The following SLC25A11 variants were observed in gnomAD, a reference collection of about 807,000 sequenced individuals.
The protein encoded by SLC25A11 is mitochondrial 2-oxoglutarate/malate carrier protein.
Under a neutral mutation model 32.7 loss-of-function variants are expected in SLC25A11, and 11 were observed. The observed-to-expected ratio is 0.34, with a 90% confidence interval of 0.21 to 0.56. The LOEUF (loss-of-function observed/expected upper bound fraction) is 0.56. Among genes scored for constraint, SLC25A11 ranks in the 20% least tolerant of loss-of-function variants. The pLI, the probability that SLC25A11 is intolerant of heterozygous loss-of-function variation, is 0.90. For synonymous variants in SLC25A11, 163 were observed against 168.3 expected, an observed-to-expected ratio of 0.97 and a Z score of 0.24; for missense variants, 295 against 426.3, an observed-to-expected ratio of 0.69 and a Z score of 2.71.
In SLC25A11 at chr17:4,937,453, GGGATCTTCT is replaced by G. The variant is rs1461486504; in HGVS notation, c.*279_*287del. ...TGCCTTGGTTTCCCCACTGACAAAG[GGGATCTTCT>G]GCTGTCCTGTGTGCCCTGAAACTAA... On this transcript the variant is annotated 3_prime_UTR_variant, in exon 8 of 8. Coordinates refer to ENST00000225665, the MANE Select transcript of SLC25A11 (RefSeq NM_003562.5). 3 of 279,378 alleles carry G rather than the reference GGGATCTTCT, an allele frequency of 1.1e-5. No individual in the cohort carries two copies. The East Asian group carries it at 2.0e-4, about 19-fold the overall frequency. The allele number at this position is 279,378 out of a possible 1,614,324, so 17.3% of individuals were successfully genotyped here. A position where few individuals can be genotyped will look rare whatever the true frequency, so the allele number is the denominator to read the frequency against.
At position 4,938,593 on chromosome 17, in the gene SLC25A11, A is replaced by C; in HGVS notation, c.465T>G (p.Ala155=). ...IRMTADGRLP[A]DQRRGYKNVF... is the part of the protein sequence containing the mutation. ...CATTTTTGTAGCCACGGCGCTGGTCAGCTGGAAGCCTGGTGGGAAGGCAGA... is the reference window on the plus strand; with the variant it reads ...CATTTTTGTAGCCACGGCGCTGGTCCGCTGGAAGCCTGGTGGGAAGGCAGA... Residue 155 remains alanine, a synonymous_variant, in exon 4 of 8, where the codon GCT becomes GCG. Transcript: ENST00000225665. The surrounding 1 kb of genome is among the most constrained non-coding windows in gnomAD (Gnocchi z 7.6). 6.2e-7 allele frequency: 1 copy of C among 1,614,058 alleles called. No individual in the cohort carries two copies. Among genetic ancestry groups the C allele is most frequent in the Non-Finnish European group, 8.5e-7 (1 of 1,179,984 alleles).
In SLC25A11 at chr17:4,938,955, C is replaced by A; in HGVS notation, c.269G>T (p.Arg90Leu). The change falls in exon 3 of 8, where the codon CGT (arginine) becomes CTT (leucine). Residue 90 changes from arginine (R) to leucine (L), a missense_variant. Coordinates refer to ENST00000225665, the MANE Select transcript of SLC25A11 (RefSeq NM_003562.5). The surrounding 1 kb of genome is among the most constrained non-coding windows in gnomAD (Gnocchi z 7.6). ...IYTGLSAGLLRQATYTTTRLG... is the reference protein window; with the variant it reads ...IYTGLSAGLLLQATYTTTRLG... ...GCGGGTAGTGGTGTAGGTGGCCTGA[C>A]GCAGCAGGCCAGCCGACAGCCTGAG... The A allele has an allele frequency of 6.2e-7, 1 of 1,614,082 alleles. No individual in the cohort carries two copies. The highest frequency in any genetic ancestry group is 8.5e-7 in the Non-Finnish European group (1 of 1,179,976).
chr17:4,938,865 A>G lies in SLC25A11; in HGVS notation c.359T>C (p.Leu120Pro). 1 of 1,614,216 alleles carries G rather than the reference A, an allele frequency of 6.2e-7. No homozygotes were observed. ...TGADGTPPGF[L>P]LKAVIGMTAG... Reference sequence around the variant, plus strand: ...GGTCATGCCAATCACAGCCTTCAGCAGAAAGCCAGGGGGAGTACCATCAGC... The same window carrying G: ...GGTCATGCCAATCACAGCCTTCAGCGGAAAGCCAGGGGGAGTACCATCAGC... The change falls in exon 3 of 8, where the codon CTG becomes CCG. Residue 120 changes from leucine (L) to proline (P), a missense_variant. Physicochemically the swap from Leu to Pro is moderately conservative, Grantham distance 98. Coordinates refer to ENST00000225665, the MANE Select transcript of SLC25A11 (RefSeq NM_003562.5). This position sits in a 1 kb window ranked among gnomAD's most constrained non-coding sequence, Gnocchi z 7.6.
rs763114824 is a variant in SLC25A11 at position 4,938,486 on chromosome 17, C to T, written c.546+26G>A. 4 of 1,613,736 alleles carry T rather than the reference C, an allele frequency of 2.5e-6. No homozygotes were observed. The highest frequency in any genetic ancestry group is 3.3e-4 in the Middle Eastern group (2 of 6,060). On this transcript the variant is annotated intron_variant, in intron 4 of 7. Transcript: ENST00000225665. This position sits in a 1 kb window ranked among gnomAD's most constrained non-coding sequence, Gnocchi z 7.6. Reference sequence around the variant, plus strand: ...ACCCCTAAAACCAGACCTCACAGCCCCCAAGTCTCCAGCCCCTCCACTCAC... The same window carrying T: ...ACCCCTAAAACCAGACCTCACAGCCTCCAAGTCTCCAGCCCCTCCACTCAC...
In SLC25A11 at chr17:4,938,938, T is replaced by C. The variant is rs1970523814; in HGVS notation, c.286A>G (p.Thr96Ala). Residue 96 changes from threonine to alanine, a missense_variant, in exon 3 of 8, where the codon ACT (threonine) becomes GCT (alanine). This residue lies in a region of SLC25A11 where 49 missense variants were observed against 106.9 expected (regional missense o/e 0.46). Coordinates refer to ENST00000225665, the MANE Select transcript of SLC25A11 (RefSeq NM_003562.5). The surrounding 1 kb of genome is among the most constrained non-coding windows in gnomAD (Gnocchi z 7.6). Reference protein sequence around the residue: ...AGLLRQATYTTTRLGIYTVLF... With the variant: ...AGLLRQATYTATRLGIYTVLF... ...ACGGTATAGATGCCAAGGCGGGTAG[T>C]GGTGTAGGTGGCCTGACGCAGCAGG... 1 of 1,613,780 alleles carries C rather than the reference T, an allele frequency of 6.2e-7. No individual in the cohort carries two copies. The highest frequency in any genetic ancestry group is 8.5e-7 in the Non-Finnish European group (1 of 1,179,756).
chr17:4,938,644 C>G lies in SLC25A11; in HGVS notation c.456-42G>C, dbSNP rs189215876. 8.7e-6 allele frequency: 14 copies of G among 1,603,186 alleles called. No individual in the cohort carries two copies. Among genetic ancestry groups the G allele is most frequent in the Non-Finnish European group, 1.1e-5 (13 of 1,170,522 alleles). On this transcript the variant is annotated intron_variant, in intron 3 of 7. Coordinates refer to ENST00000225665, the MANE Select transcript of SLC25A11 (RefSeq NM_003562.5). The surrounding 1 kb of genome is among the most constrained non-coding windows in gnomAD (Gnocchi z 7.6). ...AAGAGGTCAAGATCAGGATTGCCCA[C>G]AGGTGCAAAGAAAGGAAGGCCAGAA... is the stretch of plus-strand genomic sequence containing the variant.
At position 4,938,341 on chromosome 17, in the gene SLC25A11, G is replaced by GA; in HGVS notation, c.634dup (p.Ser212PhefsTer6). On this transcript the variant is annotated frameshift_variant, in exon 5 of 8. Coordinates refer to ENST00000225665, the MANE Select transcript of SLC25A11 (RefSeq NM_003562.5). LOFTEE classifies it high-confidence loss of function. The surrounding 1 kb of genome is among the most constrained non-coding windows in gnomAD (Gnocchi z 7.6). Reference sequence around the variant, plus strand: ...AAGGGCCCAGCTCTGGATCTCACCTGAGTCCAGTAAGAACTGCTTGGATTG... The same window carrying GA: ...AAGGGCCCAGCTCTGGATCTCACCTGAAGTCCAGTAAGAACTGCTTGGATTG... 6.2e-7 allele frequency: 1 copy of GA among 1,614,152 alleles called. No individual in the cohort carries two copies. Among genetic ancestry groups the GA allele is most frequent in the Non-Finnish European group, 8.5e-7 (1 of 1,180,010 alleles).
chr17:4,939,417 A>G lies in SLC25A11; in HGVS notation c.96-205T>C, dbSNP rs1437700864. 6 of 616,430 alleles carry G rather than the reference A, an allele frequency of 9.7e-6. No individual in the cohort carries two copies. The highest frequency in any genetic ancestry group is 1.7e-5 in the Non-Finnish European group (6 of 355,234). 38.2% of individuals were successfully genotyped at this position (616,430 alleles called of 1,614,324 possible). On this transcript the variant is annotated intron_variant, in intron 1 of 7. Coordinates refer to ENST00000225665, the MANE Select transcript of SLC25A11 (RefSeq NM_003562.5). The surrounding 1 kb of genome is among the most constrained non-coding windows in gnomAD (Gnocchi z 4.1). ...CTAGTTGTCCAGTAGGGGCCATGCA[A>G]TGAAAGTGCTCCAAGCAGCTTCATG...
rs1970531749 is a variant in SLC25A11 at position 4,939,019 on chromosome 17, T to C, written c.248+41A>G. 1 of 1,614,032 alleles carries C rather than the reference T, an allele frequency of 6.2e-7. No homozygotes were observed. The highest frequency in any genetic ancestry group is 8.5e-7 in the Non-Finnish European group (1 of 1,180,014). ...AGCATATCAGGCCAAGGTCTAGAGC[T>C]GCCAACCCACAGTCTACCCTCCATC... On this transcript the variant is annotated intron_variant, in intron 2 of 7. Transcript: ENST00000225665. This position sits in a 1 kb window ranked among gnomAD's most constrained non-coding sequence, Gnocchi z 4.1.
At position 4,939,660 on chromosome 17, in the gene SLC25A11, G is replaced by A; in HGVS notation, c.95+156C>T. ...GCAGTCCATAAGGGTCCTGCAATGG[G>A]GCCCTAGCAGCCCATCGGGGAACTC... is the stretch of plus-strand genomic sequence containing the variant. On this transcript the variant is annotated intron_variant, in intron 1 of 7. Transcript: ENST00000225665. The surrounding 1 kb of genome is among the most constrained non-coding windows in gnomAD (Gnocchi z 4.1). The A allele has an allele frequency of 5.7e-6, 4 of 703,168 alleles. No individual in the cohort carries two copies. The highest frequency in any genetic ancestry group is 2.5e-6 in the Non-Finnish European group (1 of 398,984). The allele number at this position is 703,168 out of a possible 1,614,324, so 43.6% of individuals were successfully genotyped here. A position where few individuals can be genotyped will look rare whatever the true frequency, so the allele number is the denominator to read the frequency against.
chr17:4,939,040 C>T lies in SLC25A11; in HGVS notation c.248+20G>A. The T allele has an allele frequency of 6.2e-7, 1 of 1,614,228 alleles. No homozygotes were observed. Among genetic ancestry groups the T allele is most frequent in the Non-Finnish European group, 8.5e-7 (1 of 1,180,036 alleles). ...GAGCTGCCAACCCACAGTCTACCCT[C>T]CATCCTGAGGCCCCAATACCCAGTG... On this transcript the variant is annotated intron_variant, in intron 2 of 7. Coordinates refer to ENST00000225665, the MANE Select transcript of SLC25A11 (RefSeq NM_003562.5). The surrounding 1 kb of genome is among the most constrained non-coding windows in gnomAD (Gnocchi z 4.1).
In SLC25A11 at chr17:4,938,781, G is replaced by A; in HGVS notation, c.443C>T (p.Thr148Ile). 1 of 1,610,868 alleles carries A rather than the reference G, an allele frequency of 6.2e-7. No homozygotes were observed. The highest frequency in any genetic ancestry group is 8.5e-7 in the Non-Finnish European group (1 of 1,177,644). Residue 148 changes from threonine (T) to isoleucine (I), a missense_variant, in exon 3 of 8, where the codon ACT becomes ATT. Transcript: ENST00000225665. The surrounding 1 kb of genome is among the most constrained non-coding windows in gnomAD (Gnocchi z 7.6). ...TPAEVALIRM[T>I]ADGRLPADQR... ...ACTTGGAACTCACCGGCCATCGGCA[G>A]TCATGCGGATAAGAGCCACTTCGGC...
rs1338522306 is a variant in SLC25A11 at position 4,939,245 on chromosome 17, G to A, written c.96-33C>T. The A allele has an allele frequency of 6.3e-7, 1 of 1,586,324 alleles. No homozygotes were observed. Among genetic ancestry groups the A allele is most frequent in the South Asian group, 1.1e-5 (1 of 88,982 alleles). ...AAGACAGAGGTGGAGTGAAGGGCCA[G>A]GCATTCCAGATCTACCAGTGCCCAC... On this transcript the variant is annotated intron_variant, in intron 1 of 7. Coordinates refer to ENST00000225665, the MANE Select transcript of SLC25A11 (RefSeq NM_003562.5). This position sits in a 1 kb window ranked among gnomAD's most constrained non-coding sequence, Gnocchi z 4.1.
rs1970527691 is a variant in SLC25A11, at chr17:4,938,984, C to T, written c.249-9G>A. 6.2e-7 allele frequency: 1 copy of T among 1,614,196 alleles called. No individual in the cohort carries two copies. Among genetic ancestry groups the T allele is most frequent in the Non-Finnish European group, 8.5e-7 (1 of 1,180,036 alleles). ...GCAGGCCAGCCGACAGCCTGAGGAGCAGAGGGGTCAGCATATCAGGCCAAG... is the reference window on the plus strand; with the variant it reads ...GCAGGCCAGCCGACAGCCTGAGGAGTAGAGGGGTCAGCATATCAGGCCAAG... On this transcript the variant is annotated splice_polypyrimidine_tract_variant and intron_variant, in intron 2 of 7. Coordinates refer to ENST00000225665, the MANE Select transcript of SLC25A11 (RefSeq NM_003562.5). The surrounding 1 kb of genome is among the most constrained non-coding windows in gnomAD (Gnocchi z 7.6).
In SLC25A11 at chr17:4,939,997, G is replaced by A; in HGVS notation, c.-87C>T. On this transcript the variant is annotated 5_prime_UTR_variant, in exon 1 of 8. Coordinates refer to ENST00000225665, the MANE Select transcript of SLC25A11 (RefSeq NM_003562.5). This position sits in a 1 kb window ranked among gnomAD's most constrained non-coding sequence, Gnocchi z 4.1. ...TGACACCGCGCGCGCAACAGAGCGA[G>A]GGCGCGCGCACGCCCCTCCAGCTCT... The A allele has an allele frequency of 1.1e-6, 1 of 929,134 alleles. No homozygotes were observed. The highest frequency in any genetic ancestry group is 1.5e-6 in the Non-Finnish European group (1 of 658,156). The allele number at this position is 929,134 out of a possible 1,614,324, so 57.6% of individuals were successfully genotyped here.
In SLC25A11 at chr17:4,939,071, G is replaced by A; in HGVS notation, c.237C>T (p.Gly79=). ...TSILKAEGLR[G]IYTGLSAGLL... is the part of the protein sequence containing the mutation. ...TGAGGCCCCAATACCCAGTGTAAAT[G>A]CCCCTCAGGCCTTCTGCCTTCAGGA... is the stretch of plus-strand genomic sequence containing the variant. Residue 79 remains glycine (G), a synonymous_variant, in exon 2 of 8, where the codon GGC becomes GGT. Coordinates refer to ENST00000225665, the MANE Select transcript of SLC25A11 (RefSeq NM_003562.5). The surrounding 1 kb of genome is among the most constrained non-coding windows in gnomAD (Gnocchi z 4.1). 3.1e-6 allele frequency: 5 copies of A among 1,614,194 alleles called. No individual in the cohort carries two copies. Among genetic ancestry groups the A allele is most frequent in the Non-Finnish European group, 4.2e-6 (5 of 1,180,038 alleles).
rs934690231 is a variant in SLC25A11, at chr17:4,937,360, G to A, written c.*381C>T. The A allele has an allele frequency of 6.0e-6, 1 of 167,136 alleles. No individual in the cohort carries two copies. The highest frequency in any genetic ancestry group is 1.3e-5 in the Non-Finnish European group (1 of 78,442). The allele number at this position is 167,136 out of a possible 1,614,324, so 10.4% of individuals were successfully genotyped here. A position where few individuals can be genotyped will look rare whatever the true frequency, so the allele number is the denominator to read the frequency against. On this transcript the variant is annotated 3_prime_UTR_variant, in exon 8 of 8. Coordinates refer to ENST00000225665, the MANE Select transcript of SLC25A11 (RefSeq NM_003562.5). ...AAGTCCTCAATGAGGGGGAGGAAGG[G>A]CCACATCTCCCTCTGCAGGCCCTTT...
At position 4,937,670 on chromosome 17, in the gene SLC25A11, G is replaced by A; in HGVS notation, c.*71C>T. ...AAGGGAAATAAATAGAGGGGTCCAG[G>A]GCAGCAGAGCCCAGGCCCCCAGGGC... On this transcript the variant is annotated 3_prime_UTR_variant, in exon 8 of 8. Transcript: ENST00000225665. 6.6e-7 allele frequency: 1 copy of A among 1,509,322 alleles called. No individual in the cohort carries two copies. The allele number at this position is 1,509,322 out of a possible 1,614,324, so 93.5% of individuals were successfully genotyped here. A position where few individuals can be genotyped will look rare whatever the true frequency, so the allele number is the denominator to read the frequency against.
chr17:4,937,591 C>T lies in SLC25A11; in HGVS notation c.*150G>A. ...TCAGGACGAGCAGGGCAAGCTGGAGCAGGGGGTAGAACAGACCAAGTCCTT... is the reference window on the plus strand; with the variant it reads ...TCAGGACGAGCAGGGCAAGCTGGAGTAGGGGGTAGAACAGACCAAGTCCTT... On this transcript the variant is annotated 3_prime_UTR_variant, in exon 8 of 8. Coordinates refer to ENST00000225665, the MANE Select transcript of SLC25A11 (RefSeq NM_003562.5). The T allele has an allele frequency of 3.6e-6, 3 of 836,234 alleles. No homozygotes were observed. Among genetic ancestry groups the T allele is most frequent in the East Asian group, 2.7e-5 (1 of 36,970 alleles). The allele number at this position is 836,234 out of a possible 1,614,324, so 51.8% of individuals were successfully genotyped here.
Sources: allele counts gnomAD v4.1 joint callset, GRCh38; gene constraint gnomAD v4.1.1; regional missense constraint gnomAD v4.1.1; non-coding constraint Gnocchi (gnomAD v3.1); transcripts MANE v1.5; gene names NCBI Gene and HGNC (gene_info 2026-07-23, HGNC 2026-07-21).